Variants in NFATC2 observed in about 807,000 individuals in gnomAD.
The protein encoded by NFATC2 is nuclear factor of activated T-cells, cytoplasmic 2.
NFATC2 carries 22 observed loss-of-function variants against 87.3 expected under a neutral mutation model. The ratio of observed to expected loss-of-function variants is 0.25; its 90% CI spans 0.18 to 0.36. The LOEUF (loss-of-function observed/expected upper bound fraction) is 0.36, where lower values mean the gene tolerates loss of function less well. NFATC2 is among the 10% of genes least tolerant of loss of function. The probability of loss-of-function intolerance (pLI) is 1.00; values close to 1 mark genes in which losing one functional copy is unlikely to be tolerated. For missense variants in NFATC2, 1,149 were observed against 1,259.1 expected (o/e 0.91, Z 1.32); for synonymous variants, 565 against 542.2 (o/e 1.04, Z -0.58).
At chr20:51,488,722 C>G (rs2075827048) in intron 3 of NFATC2, among the ~76,000 whole-genome samples, 1 of 152,198 alleles carries the variant, frequency 6.6e-6, no homozygotes, top group African/African-American at 2.4e-5. Context: ...TGGGTCCCAG[C>G]ACTGTCATCT....
At chr20:51,429,635 T>C (rs974877807) in intron 9 of NFATC2, among the ~76,000 whole-genome samples, 1 of 152,246 alleles carries the variant, frequency 6.6e-6, no homozygotes, top group African/African-American at 2.4e-5. Context: ...GAGCGTGCGA[T>C]GCGCTCTCCT....
At chr20:51,544,940 C>T (rs536112267), upstream of NFATC2, among the ~76,000 whole-genome samples, 3 of 152,310 alleles carry the variant, frequency 2.0e-5, no homozygotes, top group South Asian at 2.1e-4. Flanking sequence ...TAAAGAAATT[C>T]CAGCCTTTGT....
Position 51,432,033 on chromosome 20 carries a change from C to T in NFATC2, c.2722+34G>A. 6.6e-7 allele frequency: 1 copy of T among 1,508,080 alleles called. No individual in the cohort carries two copies. Among genetic ancestry groups the T allele is most frequent in the Non-Finnish European group, 8.9e-7 (1 of 1,126,814 alleles). 93.4% of individuals were successfully genotyped at this position (1,508,080 alleles called of 1,614,324 possible). ...GGGCAGAGATGCTTCAGGGCACCAT[C>T]CTTACAGGCAGTGACAAAACTCAAG... On this transcript the variant is annotated intron_variant, in intron 9 of 10. Transcript: ENST00000371564. The surrounding 1 kb of genome is among the most constrained non-coding windows in gnomAD (Gnocchi z 4.6).
chr20:51,523,445 C>T lies in NFATC2; in HGVS notation c.796G>A (p.Gly266Arg), dbSNP rs772408085. The T allele has an allele frequency of 6.2e-6, 10 of 1,608,990 alleles. No individual in the cohort carries two copies. The highest frequency in any genetic ancestry group is 1.7e-5 in the Admixed American group (1 of 59,464). The change falls in exon 2 of 11, where the codon GGA (glycine) becomes AGA (arginine). Residue 266 changes from glycine to arginine, a missense_variant. By Grantham distance (125) the Gly-to-Arg change is moderately radical. Transcript: ENST00000371564. This position sits in a 1 kb window ranked among gnomAD's most constrained non-coding sequence, Gnocchi z 6.9. The part of the protein sequence containing the change: ...CAEALVALPP[G>R]ASPQRSRSPS... ...CTCCGGGAGCGCTGGGGTGAGGCTC[C>T]GGGCGGCAGGGCAACCAAGGCCTCG...
At chr20:51,512,289 A>G (rs929809629) in intron 3 of NFATC2, among the ~76,000 whole-genome samples, 5 of 152,178 alleles carry the variant, frequency 3.3e-5, no homozygotes, top group African/African-American at 9.7e-5. Flanking sequence ...CTAATCAGCC[A>G]TCACGTCCCA....
chr20:51,401,563 C>T (rs1230578305), intron 9 of NFATC2, among the ~76,000 whole-genome samples: 2 of 147,696 alleles, frequency 1.4e-5, no homozygotes, highest in Non-Finnish European at 2.9e-5. Flanking sequence ...TATGGAGATG[C>T]GGACGTCAAG....
chr20:51,561,459 G>GAAAGAA (rs2077026730), intron 1 of NFATC2, among the ~76,000 whole-genome samples: 1 of 125,706 alleles, frequency 8.0e-6, no homozygotes, highest in African/African-American at 3.0e-5. Context: ...AAGAAAGAAA[G>GAAAGAA]AAAGAAAGAA....
At chr20:51,460,087 C>G (rs1986985037) in intron 5 of NFATC2, among the ~76,000 whole-genome samples, 1 of 152,208 alleles carries the variant, frequency 6.6e-6, no homozygotes, top group Non-Finnish European at 1.5e-5. Flanking sequence ...ACAGTAACAA[C>G]TCAAGACATG....
intron 10 of NFATC2, among the ~76,000 whole-genome samples, chr20:51,397,186 C>T (rs1987291316): frequency 2.6e-5 from 4 of 152,106 alleles, no homozygotes; most frequent in African/African-American, 9.7e-5. Flanking sequence ...AGCCCTTCCC[C>T]TCTGACTTCT....
intron 3 of NFATC2, among the ~76,000 whole-genome samples, chr20:51,510,695 G>C (rs1337991123): frequency 2.6e-5 from 4 of 152,114 alleles, no homozygotes; most frequent in Non-Finnish European, 5.9e-5. Flanking sequence ...GATCACAGCG[G>C]ACTGCCGCCC....
intron 9 of NFATC2, among the ~76,000 whole-genome samples, chr20:51,414,106 T>C (rs1462262377): frequency 6.6e-6 from 1 of 152,214 alleles, no homozygotes; most frequent in Non-Finnish European, 1.5e-5. Flanking sequence ...GCACCTTTTA[T>C]GCAGGAAGCT....
intron 3 of NFATC2, among the ~76,000 whole-genome samples, chr20:51,477,581 A>G (rs1988865922): frequency 1.1e-5 from 1 of 92,220 alleles, no homozygotes; most frequent in Admixed American, 1.1e-4. Flanking sequence ...ATATATATAT[A>G]AAATAACAAG....
intron 2 of NFATC2, among the ~76,000 whole-genome samples, chr20:51,517,287 A>T (rs1008241356): frequency 7.2e-5 from 11 of 152,274 alleles, no homozygotes; most frequent in Non-Finnish European, 1.6e-4. Context: ...CAGAAAAGGT[A>T]CACTAAAAAT....
intron 3 of NFATC2, among the ~76,000 whole-genome samples, chr20:51,494,607 C>T (rs567267666): frequency 4.6e-5 from 7 of 152,246 alleles, no homozygotes; most frequent in East Asian, 1.9e-4. Context: ...AGAACCCACG[C>T]GCCTTGAGGG....
chr20:51,493,909 G>A (rs2075942960), intron 3 of NFATC2, among the ~76,000 whole-genome samples: 1 of 152,142 alleles, frequency 6.6e-6, no homozygotes, highest in African/African-American at 2.4e-5. Context: ...GACTGGTTGG[G>A]GCTGCGGAAA....
chr20:51,515,803 A>ATTTG (rs1186112059), intron 3 of NFATC2, among the ~76,000 whole-genome samples: 1 of 151,882 alleles, frequency 6.6e-6, no homozygotes, highest in Non-Finnish European at 1.5e-5. Context: ...GCTGTTTTTC[A>ATTTG]TTTGTTTGTT....
upstream of NFATC2, among the ~76,000 whole-genome samples, chr20:51,547,511 T>C (rs994381088): frequency 1.3e-5 from 2 of 152,140 alleles, no homozygotes; most frequent in Non-Finnish European, 2.9e-5. Context: ...CACCTACAGC[T>C]CTGCCTTCCT....
At chr20:51,447,356 G>C (rs1985196834) in intron 6 of NFATC2, among the ~76,000 whole-genome samples, 1 of 152,200 alleles carries the variant, frequency 6.6e-6, no homozygotes, top group Non-Finnish European at 1.5e-5. Flanking sequence ...AAGTTTCAAA[G>C]CTGAGTAATC....
rs1986134943 is a variant in NFATC2 at position 51,389,839 on chromosome 20, C to T, written c.*1657G>A. 1 of 152,204 alleles carries T rather than the reference C, an allele frequency of 6.6e-6. No individual in the cohort carries two copies. The highest frequency in any genetic ancestry group is 2.4e-5 in the African/African-American group (1 of 41,436). The allele number at this position is 152,204 out of a possible 1,614,324, so 9.4% of individuals were successfully genotyped here. A position where few individuals can be genotyped will look rare whatever the true frequency, so the allele number is the denominator to read the frequency against. On this transcript the variant is annotated 3_prime_UTR_variant, in exon 11 of 11. Coordinates refer to ENST00000371564, the MANE Select transcript of NFATC2 (RefSeq NM_012340.5). Reference sequence around the variant, plus strand: ...GTGGGCACTGAGTGGCCATGACTTTCTTCTGAGGCCTTCTGCCTACAGACT... The same window carrying T: ...GTGGGCACTGAGTGGCCATGACTTTTTTCTGAGGCCTTCTGCCTACAGACT...
Sources: gnomAD v4.1 joint callset for allele counts (sites outside exome capture counted in the v4.1 genomes callset) on GRCh38, gnomAD v4.1.1 for gene constraint, Gnocchi (gnomAD v3.1) non-coding constraint, MANE v1.5 for transcripts, NCBI Gene and HGNC (gene_info 2026-07-23, HGNC 2026-07-21) for gene names.